Variants in DCAF1 observed in about 807,000 individuals in gnomAD.
The protein encoded by DCAF1 is DDB1- and CUL4-associated factor 1.
In DCAF1, 15 loss-of-function variants were observed where a neutral mutation model predicts 128.0. The observed-to-expected ratio is 0.12, with a 90% CI of 0.08 to 0.18. DCAF1 has a LOEUF of 0.18. DCAF1 is among the 10% of genes least tolerant of loss of function. The pLI, the probability that DCAF1 is intolerant of heterozygous loss-of-function variation, is 1.00. For missense variants in DCAF1, 988 were observed against 1,649.5 expected, an observed-to-expected ratio of 0.60 and a Z score of 6.95; for synonymous variants, 610 against 603.0, an observed-to-expected ratio of 1.01 and a Z score of -0.17.
At position 51,420,847 on chromosome 3, in the gene DCAF1, C is replaced by T. The variant is rs781841197; in HGVS notation, c.2123G>A (p.Arg708Gln). The T allele has an allele frequency of 5.6e-6, 9 of 1,613,858 alleles. No individual in the cohort carries two copies. The highest frequency in any genetic ancestry group is 5.3e-5 in the African/African-American group (4 of 74,890). Residue 708 changes from arginine to glutamine, a missense_variant, in exon 15 of 25, where the codon CGG becomes CAG. Coordinates refer to ENST00000684031, the MANE Select transcript of DCAF1 (RefSeq NM_001387579.1). The surrounding 1 kb of genome is among the most constrained non-coding windows in gnomAD (Gnocchi z 6.5). ...SIGKFISGTP[R>Q]RKLPQNPKSS... is the part of the protein sequence containing the mutation. The stretch of plus-strand genomic sequence containing the variant: ...TTTAGGGTTCTGAGGCAGCTTTCTC[C>T]GAGGAGTACCAGAGATAAATTTACC...
chr3:51,490,750 C>T (rs1305285414), intron 2 of DCAF1, among the ~76,000 whole-genome samples: 2 of 151,880 alleles, frequency 1.3e-5, no homozygotes, highest in Non-Finnish European at 2.9e-5. Context: ...CATGGTGAAA[C>T]CCCATCTCTA....
At chr3:51,412,275 G>A in intron 23 of DCAF1, 104 bp downstream of exon 23, 1 of 1,511,564 alleles carries the variant, frequency 6.6e-7, no homozygotes, top group African/African-American at 1.4e-5. Context: ...TGTGGCAACA[G>A]GTAGCAAAGG....
At chr3:51,441,287 G>C in intron 8 of DCAF1, 98 bp downstream of exon 8, 1 of 1,414,446 alleles carries the variant, frequency 7.1e-7, no homozygotes, top group South Asian at 1.5e-5. Context: ...TTGTGGTAGA[G>C]TTAGAATATA....
intron 2 of DCAF1, among the ~76,000 whole-genome samples, chr3:51,489,088 AT>A (rs1239339898): frequency 2.0e-4 from 30 of 152,176 alleles, no homozygotes; most frequent in African/African-American, 6.5e-4. Context: ...TGCCCCAAAA[AT>A]CGGAAACCAG....
intron 4 of DCAF1, among the ~76,000 whole-genome samples, chr3:51,468,524 G>C (rs572788279): frequency 6.6e-6 from 1 of 152,224 alleles, no homozygotes; most frequent in South Asian, 2.1e-4. Context: ...CTTTCTTTCA[G>C]AGCATTTAGA....
intron 3 of DCAF1, among the ~76,000 whole-genome samples, chr3:51,479,511 G>T (rs1208172385): frequency 4.0e-5 from 6 of 148,726 alleles, no homozygotes; most frequent in Non-Finnish European, 6.0e-5. Flanking sequence ...TATTATAGCT[G>T]GGCACGGTGG....
At chr3:51,461,211 A>C (rs1434506182) in intron 6 of DCAF1, among the ~76,000 whole-genome samples, 189 of 152,292 alleles carry the variant, frequency 1.2e-3, no homozygotes, top group Non-Finnish European at 2.2e-3. Context: ...AAACAAATTT[A>C]TAAGAAAAAA....
At chr3:51,483,325 A>G (rs1706486156) in intron 3 of DCAF1, among the ~76,000 whole-genome samples, 1 of 151,802 alleles carries the variant, frequency 6.6e-6, no homozygotes, top group African/African-American at 2.4e-5. Context: ...CTGTAATCCC[A>G]GCTACTTGGG....
chr3:51,471,902 C>G (rs1553648554), intron 3 of DCAF1, among the ~76,000 whole-genome samples: 2 of 152,010 alleles, frequency 1.3e-5, no homozygotes, highest in Non-Finnish European at 2.9e-5. Context: ...TCCTCCCTCT[C>G]CCACAACAAT....
At chr3:51,497,816 T>C (rs1009018823) in intron 1 of DCAF1, among the ~76,000 whole-genome samples, 64 of 151,670 alleles carry the variant, frequency 4.2e-4, no homozygotes, top group Admixed American at 3.9e-3. Flanking sequence ...CCAGGAGTTG[T>C]TGGAGGCTGC....
At chr3:51,471,161 T>C (rs1287987181) in intron 3 of DCAF1, among the ~76,000 whole-genome samples, 156 bp from the exon 4 acceptor site, 1 of 151,190 alleles carries the variant, frequency 6.6e-6, no homozygotes, top group South Asian at 2.1e-4. Flanking sequence ...AATTATCTCA[T>C]AAAAGAGTTT....
At chr3:51,451,453 T>C (rs534250978) in intron 6 of DCAF1, among the ~76,000 whole-genome samples, 2 of 151,868 alleles carry the variant, frequency 1.3e-5, no homozygotes, top group South Asian at 4.2e-4. Context: ...TCTGTGTCTA[T>C]TTTTTCGTAT....
At chr3:51,450,329 C>T (rs1410979701) in intron 6 of DCAF1, among the ~76,000 whole-genome samples, 1 of 152,130 alleles carries the variant, frequency 6.6e-6, no homozygotes, top group Non-Finnish European at 1.5e-5. Context: ...AAACTATAGA[C>T]CAATATATCA....
intron 6 of DCAF1, among the ~76,000 whole-genome samples, chr3:51,457,900 G>C (rs1168588522): frequency 3.9e-5 from 6 of 152,142 alleles, no homozygotes; most frequent in African/African-American, 1.4e-4. Flanking sequence ...CCTTACAAGA[G>C]CTCCTGAAGG....
intron 10 of DCAF1, among the ~76,000 whole-genome samples, chr3:51,431,246 G>A (rs1338381251): frequency 1.3e-5 from 2 of 151,994 alleles, no homozygotes; most frequent in Admixed American, 6.6e-5. Context: ...GGCCAGGCAC[G>A]GTGGCTTATG....
chr3:51,411,075 T>C (rs781903283), intron 23 of DCAF1, among the ~76,000 whole-genome samples: 4 of 150,828 alleles, frequency 2.7e-5, no homozygotes, highest in Admixed American at 1.3e-4. Context: ...GCAGGAGAAT[T>C]GCTTGAACCC....
intron 8 of DCAF1, 81 bp from the exon 9 acceptor site, chr3:51,441,152 C>CCTA: frequency 7.4e-7 from 1 of 1,357,090 alleles, no homozygotes; most frequent in East Asian, 2.5e-5. Flanking sequence ...AGGATAGAAG[C>CCTA]CTAAAGAAAT....
chr3:51,404,160 T>C (rs1474904387), intron 23 of DCAF1, among the ~76,000 whole-genome samples: 2 of 152,218 alleles, frequency 1.3e-5, no homozygotes, highest in African/African-American at 4.8e-5. Flanking sequence ...ATCCCAACTG[T>C]TTCCCTTCAA....
intron 1 of DCAF1, among the ~76,000 whole-genome samples, chr3:51,498,659 A>T (rs1323669344): frequency 6.6e-6 from 1 of 152,220 alleles, no homozygotes; most frequent in Non-Finnish European, 1.5e-5. Context: ...AAGAGATACT[A>T]AGTACAAAAT....
Sources: gnomAD v4.1 joint callset for allele counts (sites outside exome capture counted in the v4.1 genomes callset) on GRCh38, gnomAD v4.1.1 for gene constraint, Gnocchi (gnomAD v3.1) non-coding constraint, MANE v1.5 for transcripts, NCBI Gene and HGNC (gene_info 2026-07-23, HGNC 2026-07-21) for gene names.